NAV1: variants seen among roughly 807,000 people sequenced by gnomAD.
NAV1 encodes neuron navigator 1.
NAV1 carries 18 observed loss-of-function variants against 175.2 expected under a neutral mutation model. That is an observed-to-expected ratio of 0.10 (90% CI 0.07 to 0.15). The LOEUF (loss-of-function observed/expected upper bound fraction) is 0.15. Ranked by LOEUF, NAV1 falls within the 10% of genes least tolerant of loss-of-function variation. The pLI is 1.00. For synonymous variants in NAV1, 897 were observed against 978.7 expected (o/e 0.92, Z 1.56); for missense variants, 1,731 against 2,436.6 (o/e 0.71, Z 6.10).
intron 17 of NAV1, among the ~76,000 whole-genome samples, chr1:201,805,656 C>T (rs1053213641): frequency 5.3e-5 from 8 of 152,208 alleles, no homozygotes; most frequent in Non-Finnish European, 1.0e-4. Context: ...GGCACAGTGG[C>T]TCAGGCCTGT....
intron 2 of NAV1, among the ~76,000 whole-genome samples, chr1:201,605,481 A>G (rs943889314): frequency 1.3e-5 from 2 of 151,860 alleles, no homozygotes; most frequent in African/African-American, 4.8e-5. Context: ...AATGGACTGA[A>G]CCCAGACCTC....
At chr1:201,719,488 A>C (rs1456146321) in intron 3 of NAV1, 1 of 154,116 alleles carries the variant, frequency 6.5e-6, no homozygotes, top group African/African-American at 2.4e-5. Flanking sequence ...AGTTGTGCCT[A>C]TGCCTTCCAA....
intron 3 of NAV1, among the ~76,000 whole-genome samples, chr1:201,777,803 T>A (rs890703104): frequency 4.6e-5 from 7 of 151,930 alleles, no homozygotes. Flanking sequence ...ATACAAAAAT[T>A]GCATACCTGT....
chr1:201,697,525 C>G (rs1282999889), intron 1 of NAV1, among the ~76,000 whole-genome samples: 2 of 152,222 alleles, frequency 1.3e-5, no homozygotes, highest in African/African-American at 4.8e-5. Flanking sequence ...TCAAGCCTGG[C>G]TCTGAGATCA....
chr1:201,682,147 A>G (rs1670492309), intron 1 of NAV1, among the ~76,000 whole-genome samples: 1 of 147,470 alleles, frequency 6.8e-6, no homozygotes, highest in South Asian at 2.1e-4. Context: ...TCAGCCAGGT[A>G]TGGTGGCACA....
At chr1:201,675,376 T>A (rs1379541274) in intron 1 of NAV1, among the ~76,000 whole-genome samples, 1 of 152,204 alleles carries the variant, frequency 6.6e-6, no homozygotes, top group Non-Finnish European at 1.5e-5. Context: ...GCTTATCGTC[T>A]CCTTTCTGAC....
At chr1:201,647,586 C>A (rs919921401), upstream of NAV1, among the ~76,000 whole-genome samples, 29 of 152,266 alleles carry the variant, frequency 1.9e-4, no homozygotes, top group African/African-American at 7.0e-4. Flanking sequence ...CCCTACAAAG[C>A]CCTCAGCCCC....
At chr1:201,576,114 C>G (rs962505580) in intron 1 of NAV1, among the ~76,000 whole-genome samples, 9 of 152,172 alleles carry the variant, frequency 5.9e-5, no homozygotes, top group Non-Finnish European at 1.5e-5. Flanking sequence ...AGTCCTGTCA[C>G]CACAGGGATC....
intron 2 of NAV1, among the ~76,000 whole-genome samples, chr1:201,617,803 T>C (rs1186352518): frequency 6.6e-6 from 1 of 152,190 alleles, no homozygotes; most frequent in East Asian, 1.9e-4. Context: ...TGAGGGCCAT[T>C]GTAGCTAACA....
At chr1:201,748,592 C>T (rs1271024390) in intron 3 of NAV1, among the ~76,000 whole-genome samples, 2 of 152,160 alleles carry the variant, frequency 1.3e-5, no homozygotes, top group Non-Finnish European at 2.9e-5. Context: ...CTTACTCATG[C>T]ACAACCTGAT....
chr1:201,599,579 A>G (rs1667461627), intron 2 of NAV1, among the ~76,000 whole-genome samples: 1 of 152,186 alleles, frequency 6.6e-6, no homozygotes, highest in South Asian at 2.1e-4. Flanking sequence ...CAGCCAGCGA[A>G]ATCCAGGACT....
intron 2 of NAV1, among the ~76,000 whole-genome samples, chr1:201,614,145 C>A (rs375259885): frequency 3.3e-5 from 5 of 152,232 alleles, no homozygotes; most frequent in East Asian, 1.9e-4. Flanking sequence ...TATCTCAGTG[C>A]GTGAGTTCAG....
intron 3 of NAV1, among the ~76,000 whole-genome samples, chr1:201,742,351 G>A (rs1247956644): frequency 6.6e-6 from 1 of 152,178 alleles, no homozygotes; most frequent in Non-Finnish European, 1.5e-5. Flanking sequence ...TGGCCCTCAG[G>A]TATCTCCATG....
chr1:201,783,879 G>A (rs763186993), intron 7 of NAV1, 27 bp downstream of exon 11: 21 of 1,573,600 alleles, frequency 1.3e-5, no homozygotes, highest in African/African-American at 4.1e-5. Context: ...GCAGAACCTC[G>A]GCCTGTCTCC....
At chr1:201,730,294 G>C (rs77575091) in intron 3 of NAV1, among the ~76,000 whole-genome samples, 6,322 of 152,308 alleles carry the variant, frequency 0.042, 309 homozygotes, top group African/African-American at 0.11. Flanking sequence ...ATTTACAAGT[G>C]AAGAAATTGG....
chr1:201,821,305 G>A (rs1373177203), exon 30 of NAV1: 1 of 152,502 alleles, frequency 6.6e-6, no homozygotes, highest in East Asian at 1.9e-4. Flanking sequence ...TATAAGAGAT[G>A]AACATCCATG....
intron 1 of NAV1, among the ~76,000 whole-genome samples, chr1:201,653,317 CAGGG>C (rs961028846): frequency 2.0e-5 from 3 of 152,218 alleles, no homozygotes; most frequent in African/African-American, 7.2e-5. Flanking sequence ...TGCCCAAGGT[CAGGG>C]AGTAAAAGAA....
intron 1 of NAV1, among the ~76,000 whole-genome samples, chr1:201,692,602 G>A (rs1671001033): frequency 6.6e-6 from 1 of 152,208 alleles, no homozygotes; most frequent in Admixed American, 6.5e-5. Context: ...CCTGATTTGT[G>A]TCTGACAGGG....
Position 201,786,257 on chromosome 1 carries a change from G to A in NAV1, c.2847-172G>A, listed in dbSNP as rs1023060213. 3.0e-4 allele frequency among the ~76,000 whole-genome samples: 46 copies of A among 152,096 alleles called. 1 individual carries two copies. Among genetic ancestry groups the A allele is most frequent in the African/African-American group, 9.4e-4 (39 of 41,424 alleles). ...CCCTCTGGATGGTCTGGGAGAGGAG[G>A]CTGAGTCGCCACCTCTTACTCCCTC... is the stretch of plus-strand genomic sequence containing the variant. On this transcript the variant is annotated intron_variant, in intron 8 of 29. Transcript: ENST00000367296.
Sources: gnomAD v4.1 joint callset for allele counts (sites outside exome capture counted in the v4.1 genomes callset) on GRCh38, gnomAD v4.1.1 for gene constraint, MANE v1.5 for transcripts, NCBI Gene and HGNC (gene_info 2026-07-23, HGNC 2026-07-21) for gene names.